The following DNAJC15 variants were observed in gnomAD, a reference collection of about 807,000 sequenced individuals.
DNAJC15 encodes DnaJ heat shock protein family (Hsp40) member C15, also known as dnaJ homolog subfamily C member 15.
DNAJC15 carries 27 observed loss-of-function variants against 22.4 expected under a neutral mutation model. That is an observed-to-expected ratio of 1.20 (90% CI 0.89 to 1.66). The LOEUF is 1.66. Ranked by LOEUF, DNAJC15 falls within the 40% of genes most tolerant of loss-of-function variation. The probability of loss-of-function intolerance (pLI) is 0.00; values close to 1 mark genes in which losing one functional copy is unlikely to be tolerated. For missense variants in DNAJC15, 208 were observed against 187.1 expected, an observed-to-expected ratio of 1.11 and a Z score of -0.65; for synonymous variants, 79 against 63.2, an observed-to-expected ratio of 1.25 and a Z score of -1.19.
At chr13:43,056,009 C>T (rs913513221) in intron 1 of DNAJC15, among the ~76,000 whole-genome samples, 1 of 152,072 alleles carries the variant, frequency 6.6e-6, no homozygotes, top group Admixed American at 6.5e-5. Context: ...AAAGATCATT[C>T]AGGAGCAGGT....
chr13:43,058,329 A>G (rs1472199043), intron 1 of DNAJC15, among the ~76,000 whole-genome samples: 1 of 152,122 alleles, frequency 6.6e-6, no homozygotes, highest in Non-Finnish European at 1.5e-5. Flanking sequence ...GGGTGGGGAC[A>G]TAGAGCTCCC....
chr13:43,063,503 CTGA>C lies in DNAJC15; in HGVS notation c.109-2181_109-2179del, dbSNP rs376293545. Among the ~76,000 whole-genome samples the C allele has an allele frequency of 5.1e-3, 782 of 152,316 alleles. 8 individuals carry two copies. The highest frequency in any genetic ancestry group is 7.6e-3 in the Non-Finnish European group (516 of 68,032). ...CACAAAGGCCACAGATCTTTATAAT[CTGA>C]TATTAATATTTCTATACCATTCTGT... On this transcript the variant is annotated intron_variant, in intron 1 of 5. Transcript: ENST00000379221.
intron 1 of DNAJC15, among the ~76,000 whole-genome samples, chr13:43,024,745 T>C (rs570810891): frequency 6.6e-6 from 1 of 151,812 alleles, no homozygotes; most frequent in East Asian, 1.9e-4. Flanking sequence ...CACAGTTGCA[T>C]GGTAATTTTC....
intron 5 of DNAJC15, among the ~76,000 whole-genome samples, chr13:43,096,264 G>A (rs2040739107): frequency 6.6e-6 from 1 of 152,152 alleles, no homozygotes; most frequent in Admixed American, 6.5e-5. Flanking sequence ...CAGCATAAAA[G>A]CTGCTAAAAA....
chr13:43,085,935 G>A, intron 5 of DNAJC15, 97 bp downstream of exon 5: 13 of 1,097,288 alleles, frequency 1.2e-5, no homozygotes, highest in Non-Finnish European at 1.7e-5. Context: ...TGAGATGGAA[G>A]TTTGTGCGCC....
intron 5 of DNAJC15, among the ~76,000 whole-genome samples, chr13:43,105,054 C>T (rs1444731507): frequency 6.6e-6 from 1 of 151,438 alleles, no homozygotes; most frequent in Admixed American, 6.6e-5. Context: ...TCAGGATTCA[C>T]TGCCAGCAAC....
In DNAJC15 at chr13:43,111,627, T is replaced by C. The variant is rs1241244973; in HGVS notation, c.*4379T>C. On this transcript the variant is annotated 3_prime_UTR_variant, in exon 6 of 6. Transcript: ENST00000379221. ...TGAAGTTTCTCTTGAGTCAACCAAC[T>C]TAAGATGAGCTACGGAGACTGCAGT... is the stretch of plus-strand genomic sequence containing the variant. 2 of 152,150 alleles carry C rather than the reference T, an allele frequency of 1.3e-5. No individual in the cohort carries two copies. Among genetic ancestry groups the C allele is most frequent in the Admixed American group, 6.5e-5 (1 of 15,272 alleles). 9.4% of individuals were successfully genotyped at this position (152,150 alleles called of 1,614,324 possible).
intron 5 of DNAJC15, among the ~76,000 whole-genome samples, chr13:43,088,826 C>A (rs2040701053): frequency 8.0e-6 from 1 of 125,238 alleles, no homozygotes; most frequent in African/African-American, 3.2e-5. Context: ...AAAGGTGATG[C>A]CTAATTAACT....
Position 43,100,205 on chromosome 13 carries a change from C to CTTTT in DNAJC15, c.383-6956_383-6953dup, listed in dbSNP as rs368386623. On this transcript the variant is annotated intron_variant, in intron 5 of 5. Transcript: ENST00000379221. ...AGGTTGAAGGTTAAGTTATTGAAGTCTTTTTTTTTTTTTTTTTTTTGAAAC... is the reference window on the plus strand; with the variant it reads ...AGGTTGAAGGTTAAGTTATTGAAGTCTTTTTTTTTTTTTTTTTTTTTTTTGAAAC... Among the ~76,000 whole-genome samples the CTTTT allele has an allele frequency of 4.6e-3, 503 of 110,504 alleles. 19 individuals are homozygous for CTTTT. Among genetic ancestry groups the CTTTT allele is most frequent in the Non-Finnish European group, 7.7e-3 (433 of 56,066 alleles). 72.5% of individuals were successfully genotyped at this position (110,504 alleles called of 152,430 possible). A position where few individuals can be genotyped will look rare whatever the true frequency, so the allele number is the denominator to read the frequency against.
At position 43,111,560 on chromosome 13, in the gene DNAJC15, G is replaced by A. The variant is rs1468845736; in HGVS notation, c.*4312G>A. 1 of 152,212 alleles carries A rather than the reference G, an allele frequency of 6.6e-6. No individual in the cohort carries two copies. The highest frequency in any genetic ancestry group is 1.5e-5 in the Non-Finnish European group (1 of 68,040). The allele number at this position is 152,212 out of a possible 1,614,324, so 9.4% of individuals were successfully genotyped here. On this transcript the variant is annotated 3_prime_UTR_variant, in exon 6 of 6. Transcript: ENST00000379221. ...AGCTTAATATGGTTTAATACCATTT[G>A]TGGGAGAAGATGAATCAGCCAGGCT... is the stretch of plus-strand genomic sequence containing the variant.
chr13:43,096,679 A>C (rs1188317309), intron 5 of DNAJC15, among the ~76,000 whole-genome samples: 1 of 152,212 alleles, frequency 6.6e-6, no homozygotes, highest in Non-Finnish European at 1.5e-5. Context: ...TGGTAGTTTA[A>C]AAATGGCCAC....
At chr13:43,107,131 T>C (rs370009265) in intron 5 of DNAJC15, 47 bp from the exon 6 acceptor site, 1 of 1,468,752 alleles carries the variant, frequency 6.8e-7, no homozygotes, top group African/African-American at 1.4e-5. Context: ...CTTTAAAGTA[T>C]GTCAATGATG....
intron 3 of DNAJC15, among the ~76,000 whole-genome samples, chr13:43,072,633 G>A (rs920453859): frequency 2.0e-5 from 3 of 149,374 alleles, no homozygotes; most frequent in East Asian, 2.0e-4. Context: ...GCGCAATCTC[G>A]GCTCACTGCA....
chr13:43,053,258 C>G (rs1180680802), intron 1 of DNAJC15, among the ~76,000 whole-genome samples: 1 of 152,152 alleles, frequency 6.6e-6, no homozygotes, highest in Non-Finnish European at 1.5e-5. Context: ...TTCTATTGGC[C>G]TATATGCCTG....
intron 1 of DNAJC15, among the ~76,000 whole-genome samples, chr13:43,049,853 A>G (rs1364409539): frequency 6.6e-6 from 1 of 152,236 alleles, no homozygotes; most frequent in Non-Finnish European, 1.5e-5. Flanking sequence ...TAGGTAGTAG[A>G]TAAATTTTTT....
intron 3 of DNAJC15, among the ~76,000 whole-genome samples, chr13:43,073,868 T>A (rs2040620282): frequency 6.7e-6 from 1 of 149,828 alleles, no homozygotes; most frequent in Non-Finnish European, 1.5e-5. Context: ...TTTTTGTTTT[T>A]TTTTTAAATT....
At chr13:43,056,546 C>G (rs2153440471) in intron 1 of DNAJC15, among the ~76,000 whole-genome samples, 1 of 152,226 alleles carries the variant, frequency 6.6e-6, no homozygotes, top group South Asian at 2.1e-4. Flanking sequence ...TCCATTTGTT[C>G]TAGGGTATAG....
intron 1 of DNAJC15, among the ~76,000 whole-genome samples, chr13:43,064,953 G>C (rs573121320): frequency 2.8e-5 from 4 of 140,994 alleles, no homozygotes; most frequent in African/African-American, 1.1e-4. Context: ...CTAAAAACAG[G>C]AATTCCTGAT....
At chr13:43,084,073 G>A (rs9533381) in intron 4 of DNAJC15, among the ~76,000 whole-genome samples, 37,295 of 152,036 alleles carry the variant, frequency 0.25, 4,939 homozygotes, top group Non-Finnish European at 0.31. Context: ...AGGATTGACA[G>A]CTGATAGCAT....
Sources: gnomAD v4.1 joint callset for allele counts (sites outside exome capture counted in the v4.1 genomes callset) on GRCh38, gnomAD v4.1.1 for gene constraint, MANE v1.5 for transcripts, NCBI Gene and HGNC (gene_info 2026-07-23, HGNC 2026-07-21) for gene names.